DEFB123: variants seen among roughly 807,000 people sequenced by gnomAD.
DEFB123 encodes the protein defensin beta 123, also known as beta-defensin 123.
For synonymous variants in DEFB123, 22 were observed against 28.3 expected, an observed-to-expected ratio of 0.78 and a Z score of 0.71; for missense variants, 71 against 75.0, an observed-to-expected ratio of 0.95 and a Z score of 0.20.
At chr20:31,441,717 G>T in intron 1 of DEFB123, among the ~76,000 whole-genome samples, 1 of 152,126 alleles carries the variant, frequency 6.6e-6, no homozygotes, top group African/African-American at 2.4e-5. Context: ...TACAGAGTCA[G>T]AAACGTGTGA....
intron 1 of DEFB123, among the ~76,000 whole-genome samples, chr20:31,449,191 T>C (rs534977569): frequency 6.6e-6 from 1 of 152,218 alleles, no homozygotes; most frequent in African/African-American, 2.4e-5. Flanking sequence ...CTCCTGGTTA[T>C]GGGTCATATT....
chr20:31,444,685 T>C (rs1333298441), intron 1 of DEFB123, among the ~76,000 whole-genome samples: 1 of 152,232 alleles, frequency 6.6e-6, no homozygotes, highest in Non-Finnish European at 1.5e-5. Context: ...TTTCCTTATC[T>C]TTTTGTAAAC....
At chr20:31,449,444 G>A (rs1339836627) in intron 1 of DEFB123, among the ~76,000 whole-genome samples, 1 of 152,124 alleles carries the variant, frequency 6.6e-6, no homozygotes. Context: ...AAATGCTGCA[G>A]ATTTTACAGG....
In DEFB123 at chr20:31,450,218, A is replaced by C; in HGVS notation, c.*44A>C. On this transcript the variant is annotated 3_prime_UTR_variant, in exon 2 of 2. Transcript: ENST00000376309. The stretch of plus-strand genomic sequence containing the variant: ...CCATGAAAATGCAGATGAAGCTCCC[A>C]GTGGATTCCCACACTCTATCAATAA... 2 of 1,570,850 alleles carry C rather than the reference A, an allele frequency of 1.3e-6. No individual in the cohort carries two copies. Among genetic ancestry groups the C allele is most frequent in the Non-Finnish European group, 1.7e-6 (2 of 1,162,484 alleles).
At position 31,450,014 on chromosome 20, in the gene DEFB123, T is replaced by C; in HGVS notation, c.59-15T>C. The C allele has an allele frequency of 6.2e-7, 1 of 1,602,090 alleles. No homozygotes were observed. The highest frequency in any genetic ancestry group is 8.5e-7 in the Non-Finnish European group (1 of 1,175,548). On this transcript the variant is annotated splice_polypyrimidine_tract_variant and intron_variant, in intron 1 of 1. Coordinates refer to ENST00000376309, the MANE Select transcript of DEFB123 (RefSeq NM_153324.4). Reference sequence around the variant, plus strand: ...TAGGACTGATACTGTCTCCCTTCTTTCTGCTTTGTGTCAGGTGGCACCCAA... The same window carrying C: ...TAGGACTGATACTGTCTCCCTTCTTCCTGCTTTGTGTCAGGTGGCACCCAA...
At chr20:31,442,402 A>G (rs950854036) in intron 1 of DEFB123, among the ~76,000 whole-genome samples, 6 of 152,154 alleles carry the variant, frequency 3.9e-5, no homozygotes, top group African/African-American at 1.2e-4. Context: ...AAGCACTGTG[A>G]TGGGTGCTAG....
intron 1 of DEFB123, 116 bp from the exon 2 acceptor site, chr20:31,449,913 G>A (rs1018007536): frequency 7.6e-7 from 1 of 1,308,314 alleles, no homozygotes; most frequent in East Asian, 2.6e-5. Flanking sequence ...AGAGTCAAAG[G>A]CAAGGGAAAC....
At chr20:31,444,602 C>G (rs545728706) in intron 1 of DEFB123, among the ~76,000 whole-genome samples, 17 of 152,272 alleles carry the variant, frequency 1.1e-4, no homozygotes, top group Non-Finnish European at 2.5e-4. Flanking sequence ...GAGTGTCATT[C>G]CTTTCACTCA....
intron 1 of DEFB123, among the ~76,000 whole-genome samples, chr20:31,448,533 TC>T (rs1390113338): frequency 8.5e-6 from 1 of 117,014 alleles, no homozygotes; most frequent in African/African-American, 2.5e-5. Context: ...GACACTCTGC[TC>T]TTTTTTCCCC....
At chr20:31,447,730 C>T (rs528410796) in intron 1 of DEFB123, among the ~76,000 whole-genome samples, 22 of 150,892 alleles carry the variant, frequency 1.5e-4, no homozygotes, top group African/African-American at 5.3e-4. Context: ...GATCCTCCCA[C>T]CTCAGCCTCC....
At position 31,449,792 on chromosome 20, in the gene DEFB123, A is replaced by C. The variant is rs1012175808; in HGVS notation, c.59-237A>C. On this transcript the variant is annotated intron_variant, in intron 1 of 1. Transcript: ENST00000376309. ...CAAAAAAAAAAAAAAAAAAAAAAAA[A>C]GACAATCCGCACACATAAAGGCTTT... is the stretch of plus-strand genomic sequence containing the variant. 1.0e-4 allele frequency among the ~76,000 whole-genome samples: 15 copies of C among 145,274 alleles called. No individual in the cohort carries two copies. The East Asian group carries it at 1.9e-3, about 19-fold the overall frequency.
intron 1 of DEFB123, among the ~76,000 whole-genome samples, chr20:31,446,940 C>T (rs1979600309): frequency 6.9e-6 from 1 of 145,404 alleles, no homozygotes; most frequent in Non-Finnish European, 1.5e-5. Flanking sequence ...GAGTGAGACT[C>T]CATCTCAAAA....
intron 1 of DEFB123, among the ~76,000 whole-genome samples, chr20:31,449,331 T>C (rs1568751372): frequency 6.6e-6 from 1 of 152,154 alleles, no homozygotes; most frequent in Non-Finnish European, 1.5e-5. Context: ...CAGATGAATA[T>C]TTTCAAGACT....
chr20:31,444,201 G>A (rs769594273), intron 1 of DEFB123, among the ~76,000 whole-genome samples: 20 of 152,198 alleles, frequency 1.3e-4, no homozygotes, highest in Non-Finnish European at 1.5e-4. Context: ...CATACTCACC[G>A]TTAGGTTAAT....
Position 31,450,115 on chromosome 20 carries a change from A to G in DEFB123, c.145A>G (p.Asn49Asp), listed in dbSNP as rs1018121879. ...KERVYVYCINNKMCCVKPKYQ... is the reference protein window; with the variant it reads ...KERVYVYCINDKMCCVKPKYQ... Reference sequence around the variant, plus strand: ...AAGAGTCTATGTTTACTGCATAAATAATAAAATGTGCTGCGTGAAGCCCAA... The same window carrying G: ...AAGAGTCTATGTTTACTGCATAAATGATAAAATGTGCTGCGTGAAGCCCAA... Residue 49 changes from asparagine (N) to aspartate (D), a missense_variant, in exon 2 of 2, where the codon AAT becomes GAT. Physicochemically the swap from Asn to Asp is conservative, Grantham distance 23. Transcript: ENST00000376309. The G allele has an allele frequency of 3.1e-6, 5 of 1,613,130 alleles. No homozygotes were observed. The highest frequency in any genetic ancestry group is 2.7e-5 in the African/African-American group (2 of 74,824).
chr20:31,442,051 G>C (rs1289021803), intron 1 of DEFB123, among the ~76,000 whole-genome samples: 1 of 152,222 alleles, frequency 6.6e-6, no homozygotes, highest in Non-Finnish European at 1.5e-5. Context: ...GACTGTGGGA[G>C]TTAGTGGTGG....
intron 1 of DEFB123, among the ~76,000 whole-genome samples, chr20:31,449,584 G>C (rs73906253): frequency 0.021 from 3,173 of 151,818 alleles, 113 homozygotes; most frequent in African/African-American, 0.073. Flanking sequence ...GTTTCCTCTT[G>C]CACATGCACA....
At chr20:31,446,342 T>C (rs1600552503) in intron 1 of DEFB123, among the ~76,000 whole-genome samples, 1 of 152,156 alleles carries the variant, frequency 6.6e-6, no homozygotes, top group African/African-American at 2.4e-5. Context: ...AAGTACAAAA[T>C]GAGGAGAGTT....
intron 1 of DEFB123, among the ~76,000 whole-genome samples, chr20:31,447,143 T>C (rs1389924627): frequency 1.3e-5 from 2 of 151,676 alleles, no homozygotes; most frequent in Non-Finnish European, 2.9e-5. Context: ...ATGCCTGTAA[T>C]TCCAGCTACT....
Sources: allele counts gnomAD v4.1 joint callset (sites outside exome capture counted in the v4.1 genomes callset), GRCh38; gene constraint gnomAD v4.1.1; transcripts MANE v1.5; gene names NCBI Gene and HGNC (gene_info 2026-07-23, HGNC 2026-07-21).